The following CACNA2D3 variants were observed in gnomAD, a reference collection of about 807,000 sequenced individuals.
The protein encoded by CACNA2D3 is voltage-dependent calcium channel subunit alpha-2/delta-3.
A neutral mutation model predicts 160.6 loss-of-function variants in CACNA2D3; 60 were observed. The observed-to-expected ratio is 0.37, with a 90% CI of 0.30 to 0.46. The LOEUF is 0.46. Among genes scored for constraint, CACNA2D3 ranks in the 20% least tolerant of loss-of-function variants. The pLI, the probability that CACNA2D3 is intolerant of heterozygous loss-of-function variation, is 1.00. For missense variants in CACNA2D3, 1,205 were observed against 1,365.0 expected, an observed-to-expected ratio of 0.88 and a Z score of 1.85; for synonymous variants, 558 against 492.9, an observed-to-expected ratio of 1.13 and a Z score of -1.75.
At chr3:54,519,637 C>T (rs1024739468) in intron 5 of CACNA2D3, among the ~76,000 whole-genome samples, 4 of 152,158 alleles carry the variant, frequency 2.6e-5, no homozygotes, top group South Asian at 4.1e-4. Context: ...ATAGCTTAGT[C>T]GTAGGAGATA....
Position 54,569,791 on chromosome 3 carries a change from C to G in CACNA2D3, c.677-4C>G. 2 of 1,591,550 alleles carry G rather than the reference C, an allele frequency of 1.3e-6. No individual in the cohort carries two copies. Among genetic ancestry groups the G allele is most frequent in the East Asian group, 2.3e-5 (1 of 44,194 alleles). On this transcript the variant is annotated splice_region_variant and splice_polypyrimidine_tract_variant and intron_variant, in intron 6 of 37. Transcript: ENST00000474759. ...GGTTTCTCATAACCCCATTTTTCTT[C>G]TAGGGATTAAATGGGAACCAGATGA... is the stretch of plus-strand genomic sequence containing the variant.
Position 54,712,939 on chromosome 3 carries a change from C to T in CACNA2D3, c.1168-39660C>T, listed in dbSNP as rs180968176. Among the ~76,000 whole-genome samples, 5 of 152,282 alleles carry T rather than the reference C, an allele frequency of 3.3e-5. No individual in the cohort carries two copies. In the East Asian group the frequency reaches 5.8e-4, roughly 18 times the overall value. Reference sequence around the variant, plus strand: ...AATTCCATCTGCAACCTTAATTCCCCTTTGTCATATAACATCACATAATCA... The same window carrying T: ...AATTCCATCTGCAACCTTAATTCCCTTTTGTCATATAACATCACATAATCA... On this transcript the variant is annotated intron_variant, in intron 11 of 37. Coordinates refer to ENST00000474759, the MANE Select transcript of CACNA2D3 (RefSeq NM_018398.3).
At chr3:54,718,130 A>G (rs954087599) in intron 11 of CACNA2D3, among the ~76,000 whole-genome samples, 1 of 152,300 alleles carries the variant, frequency 6.6e-6, no homozygotes, top group East Asian at 1.9e-4. Flanking sequence ...TATGTATTCC[A>G]GATACCACTC....
chr3:54,934,438 T>C, intron 27 of CACNA2D3, among the ~76,000 whole-genome samples: 1 of 152,190 alleles, frequency 6.6e-6, no homozygotes, highest in African/African-American at 2.4e-5. Flanking sequence ...AAGGTAAGAA[T>C]TCAGGTTCAA....
chr3:54,438,264 T>C (rs1700089673), intron 4 of CACNA2D3, among the ~76,000 whole-genome samples: 1 of 152,200 alleles, frequency 6.6e-6, no homozygotes, highest in Admixed American at 6.5e-5. Context: ...ATGTGAAGTA[T>C]GTAAAATAAT....
At chr3:54,853,495 CT>C (rs1699104968) in intron 17 of CACNA2D3, among the ~76,000 whole-genome samples, 1 of 152,174 alleles carries the variant, frequency 6.6e-6, no homozygotes, top group African/African-American at 2.4e-5. Context: ...GTTAAGCTCC[CT>C]TTTCTTTTCA....
intron 9 of CACNA2D3, among the ~76,000 whole-genome samples, chr3:54,621,981 G>T (rs1403123248): frequency 6.6e-6 from 1 of 152,124 alleles, no homozygotes; most frequent in African/African-American, 2.4e-5. Flanking sequence ...CCAGGGAGAA[G>T]TCAACCCAGT....
At chr3:54,653,897 G>A (rs992202087) in intron 11 of CACNA2D3, among the ~76,000 whole-genome samples, 12 of 152,146 alleles carry the variant, frequency 7.9e-5, no homozygotes, top group Admixed American at 7.9e-4. Flanking sequence ...CCATCCTCTA[G>A]TAAATGGCTA....
chr3:54,585,325 A>G (rs936453999), intron 9 of CACNA2D3, among the ~76,000 whole-genome samples: 1 of 152,354 alleles, frequency 6.6e-6, no homozygotes, highest in Non-Finnish European at 1.5e-5. Flanking sequence ...GTAATAAATT[A>G]CATATTTGTA....
intron 17 of CACNA2D3, among the ~76,000 whole-genome samples, chr3:54,867,217 G>T (rs1426447689): frequency 1.3e-5 from 2 of 152,278 alleles, no homozygotes; most frequent in Admixed American, 1.3e-4. Context: ...CATGGGAGAA[G>T]GGAGATTGGG....
intron 11 of CACNA2D3, among the ~76,000 whole-genome samples, chr3:54,669,796 C>T (rs1366239246): frequency 2.0e-5 from 3 of 151,450 alleles, no homozygotes; most frequent in African/African-American, 7.3e-5. Flanking sequence ...TGTTTTGAGA[C>T]CAGGTTATGA....
intron 2 of CACNA2D3, among the ~76,000 whole-genome samples, chr3:54,165,545 C>G (rs545881335): frequency 4.7e-5 from 7 of 149,656 alleles, no homozygotes; most frequent in Non-Finnish European, 7.4e-5. Flanking sequence ...AAGAAACAGG[C>G]TGGGCACAGT....
At chr3:54,220,069 A>G (rs570167190) in intron 2 of CACNA2D3, among the ~76,000 whole-genome samples, 2 of 152,246 alleles carry the variant, frequency 1.3e-5, no homozygotes, top group South Asian at 4.1e-4. Flanking sequence ...ATTTCAAGCA[A>G]CGTTTTGATT....
rs1415736258 is a variant in CACNA2D3, at chr3:54,351,169, A to G, written c.321+30611A>G. On this transcript the variant is annotated intron_variant, in intron 3 of 37. Transcript: ENST00000474759. ...GCTAATTTTTGTACTTTTACTAGAG[A>G]GGGGGTTACCGCATGTTGGCCAGGC... Among the ~76,000 whole-genome samples the G allele has an allele frequency of 2.0e-5, 3 of 151,154 alleles. No individual in the cohort carries two copies. The East Asian group carries it at 5.8e-4, about 29-fold the overall frequency.
chr3:54,682,673 A>G (rs1700376539), intron 11 of CACNA2D3, among the ~76,000 whole-genome samples: 1 of 152,210 alleles, frequency 6.6e-6, no homozygotes, highest in Non-Finnish European at 1.5e-5. Flanking sequence ...AAAAGTGAGT[A>G]TAGTGAATGC....
At chr3:55,009,273 C>A in intron 33 of CACNA2D3, 115 bp from the exon 34 acceptor site, 2 of 883,936 alleles carry the variant, frequency 2.3e-6, no homozygotes, top group East Asian at 2.5e-5. Flanking sequence ...TTGATATCTC[C>A]AAATTGTGAT....
chr3:54,476,211 G>A (rs1700828280), intron 4 of CACNA2D3, among the ~76,000 whole-genome samples: 1 of 147,148 alleles, frequency 6.8e-6, no homozygotes, highest in Admixed American at 6.8e-5. Flanking sequence ...TCATATATAT[G>A]AATATTATAT....
At chr3:54,791,775 A>C (rs1026740798) in intron 13 of CACNA2D3, among the ~76,000 whole-genome samples, 1 of 152,216 alleles carries the variant, frequency 6.6e-6, no homozygotes, top group African/African-American at 2.4e-5. Flanking sequence ...GACAGATTCC[A>C]GAAGACTTTT....
chr3:55,003,110 C>T (rs909095679), intron 31 of CACNA2D3, among the ~76,000 whole-genome samples: 10 of 152,190 alleles, frequency 6.6e-5, no homozygotes, highest in African/African-American at 2.4e-4. Flanking sequence ...TCTTTCCGAG[C>T]ACAGCAGTAA....
Sources: allele counts gnomAD v4.1 joint callset (sites outside exome capture counted in the v4.1 genomes callset), GRCh38; gene constraint gnomAD v4.1.1; transcripts MANE v1.5; gene names NCBI Gene and HGNC (gene_info 2026-07-23, HGNC 2026-07-21).